The following PLCB1 variants were observed in gnomAD, a reference collection of about 807,000 sequenced individuals.
The protein encoded by PLCB1 is 1-phosphatidylinositol 4,5-bisphosphate phosphodiesterase beta-1.
In PLCB1, 46 loss-of-function variants were observed where a neutral mutation model predicts 161.8. The ratio of observed to expected loss-of-function variants is 0.28; its 90% CI spans 0.22 to 0.36. The LOEUF (loss-of-function observed/expected upper bound fraction) is 0.36. Ranked by LOEUF, PLCB1 falls within the 10% of genes least tolerant of loss-of-function variation. The pLI is 1.00. For missense variants in PLCB1, 1,016 were observed against 1,472.5 expected (o/e 0.69, Z 5.07); for synonymous variants, 517 against 503.7 (o/e 1.03, Z -0.35).
At chr20:8,333,195 T>C (rs1286322665) in intron 2 of PLCB1, among the ~76,000 whole-genome samples, 5 of 152,132 alleles carry the variant, frequency 3.3e-5, no homozygotes, top group Non-Finnish European at 7.4e-5. Context: ...GCCAAAGACA[T>C]TGGAGCCTGA....
intron 3 of PLCB1, among the ~76,000 whole-genome samples, chr20:8,441,807 T>C (rs528414747): frequency 1.3e-5 from 2 of 152,274 alleles, no homozygotes; most frequent in East Asian, 3.9e-4. Context: ...TCTTTATATC[T>C]GAAAAAAATT....
intron 4 of PLCB1, among the ~76,000 whole-genome samples, chr20:8,642,243 A>G (rs1356802304): frequency 1.3e-5 from 2 of 152,240 alleles, no homozygotes; most frequent in Non-Finnish European, 2.9e-5. Context: ...CAGAGAAACT[A>G]TACCAGAATT....
chr20:8,817,619 A>G (rs1002990651), intron 31 of PLCB1, among the ~76,000 whole-genome samples: 36 of 152,232 alleles, frequency 2.4e-4, no homozygotes, highest in African/African-American at 8.0e-4. Flanking sequence ...GGCTCCTGAC[A>G]TAATTAATCA....
intron 31 of PLCB1, among the ~76,000 whole-genome samples, chr20:8,821,574 A>T (rs1264976302): frequency 1.4e-5 from 2 of 138,700 alleles, no homozygotes; most frequent in South Asian, 2.4e-4. Context: ...TGACACTTTT[A>T]AAAATGGAGG....
At chr20:8,751,102 A>ATTTTTTTTT in intron 23 of PLCB1, 3 of 186,290 alleles carry the variant, frequency 1.6e-5, no homozygotes, top group Non-Finnish European at 2.2e-5. Context: ...AGCCCGGCTA[A>ATTTTTTTTT]TTTTTTTTTT....
intron 9 of PLCB1, among the ~76,000 whole-genome samples, chr20:8,676,114 G>A (rs1030002917): frequency 6.6e-5 from 10 of 152,222 alleles, no homozygotes; most frequent in Non-Finnish European, 1.5e-5. Flanking sequence ...TCCCGCCTGC[G>A]ATGCCAACAC....
rs372381204 is a variant in PLCB1 at position 8,595,200 on chromosome 20, C to T, written c.247-33094C>T. Among the ~76,000 whole-genome samples the T allele has an allele frequency of 6.7e-5, 10 of 150,174 alleles. No homozygotes were observed. In the East Asian group the frequency reaches 1.4e-3, roughly 21 times the overall value. Reference sequence around the variant, plus strand: ...GTGCCATGCTGGTACGCTGCACCCACTAACTTGTCATCTAGCATTAGGTAT... The same window carrying T: ...GTGCCATGCTGGTACGCTGCACCCATTAACTTGTCATCTAGCATTAGGTAT... On this transcript the variant is annotated intron_variant, in intron 3 of 31. Transcript: ENST00000338037.
chr20:8,485,845 G>T (rs6055850), intron 3 of PLCB1, among the ~76,000 whole-genome samples: 109,884 of 151,522 alleles, frequency 0.73, 40,010 homozygotes, highest in African/African-American at 0.74. Context: ...ACAGAGGTAT[G>T]GAAACCCTCC....
intron 2 of PLCB1, among the ~76,000 whole-genome samples, chr20:8,281,325 A>G (rs1279149208): frequency 7.1e-6 from 1 of 141,078 alleles, no homozygotes; most frequent in Non-Finnish European, 1.5e-5. Flanking sequence ...AAGTAAACCC[A>G]GAGCTCTTTT....
At chr20:8,515,495 C>A (rs1226977333) in intron 3 of PLCB1, among the ~76,000 whole-genome samples, 3 of 152,120 alleles carry the variant, frequency 2.0e-5, no homozygotes, top group Non-Finnish European at 4.4e-5. Flanking sequence ...TTCCTATATC[C>A]CATACAATTA....
At chr20:8,614,980 G>C (rs1208172700) in intron 3 of PLCB1, among the ~76,000 whole-genome samples, 1 of 152,056 alleles carries the variant, frequency 6.6e-6, no homozygotes, top group Non-Finnish European at 1.5e-5. Context: ...AGAAGGTTCT[G>C]TCATCTGGAA....
intron 3 of PLCB1, among the ~76,000 whole-genome samples, chr20:8,381,604 A>G (rs1987255929): frequency 6.6e-6 from 1 of 152,236 alleles, no homozygotes. Flanking sequence ...GCTATTAATT[A>G]CTGCCTCAAT....
chr20:8,747,893 C>A (rs1981252854), intron 23 of PLCB1, among the ~76,000 whole-genome samples: 1 of 152,010 alleles, frequency 6.6e-6, no homozygotes, highest in African/African-American at 2.4e-5. Flanking sequence ...TCAAAAAAAT[C>A]CAAGGTAGTG....
chr20:8,498,317 G>A (rs1418467709), intron 3 of PLCB1, among the ~76,000 whole-genome samples: 1 of 151,716 alleles, frequency 6.6e-6, no homozygotes. Flanking sequence ...AGATGGTCTC[G>A]ATCTCCTGAC....
At chr20:8,135,118 G>C (rs1454770571) in intron 1 of PLCB1, among the ~76,000 whole-genome samples, 3 of 152,186 alleles carry the variant, frequency 2.0e-5, no homozygotes, top group Non-Finnish European at 4.4e-5. Flanking sequence ...TAGTGAGACA[G>C]TGTGTTGAAG....
chr20:8,441,402 A>G (rs1980553200), intron 3 of PLCB1, among the ~76,000 whole-genome samples: 1 of 152,224 alleles, frequency 6.6e-6, no homozygotes, highest in Non-Finnish European at 1.5e-5. Context: ...CTTCAAGAGA[A>G]AATTGCTTTG....
At chr20:8,581,668 G>A (rs549811754) in intron 3 of PLCB1, among the ~76,000 whole-genome samples, 1 of 152,238 alleles carries the variant, frequency 6.6e-6, no homozygotes, top group East Asian at 1.9e-4. Flanking sequence ...GGAGTTTCTT[G>A]GGATGCATGA....
At chr20:8,425,995 C>T (rs1169308734) in intron 3 of PLCB1, among the ~76,000 whole-genome samples, 1 of 152,198 alleles carries the variant, frequency 6.6e-6, no homozygotes, top group Non-Finnish European at 1.5e-5. Context: ...AAGCTCACCC[C>T]TCTTTCACTT....
At chr20:8,665,551 C>T (rs1989790223) in intron 9 of PLCB1, among the ~76,000 whole-genome samples, 1 of 151,934 alleles carries the variant, frequency 6.6e-6, no homozygotes, top group Non-Finnish European at 1.5e-5. Flanking sequence ...TATGGCATGT[C>T]ACATCTGTGC....
Sources: gnomAD v4.1 joint callset for allele counts (sites outside exome capture counted in the v4.1 genomes callset) on GRCh38, gnomAD v4.1.1 for gene constraint, MANE v1.5 for transcripts, NCBI Gene and HGNC (gene_info 2026-07-23, HGNC 2026-07-21) for gene names.